ROBO2: variants seen among roughly 807,000 people sequenced by gnomAD.
ROBO2 encodes the protein roundabout homolog 2.
ROBO2 carries 53 observed loss-of-function variants against 160.8 expected under a neutral mutation model. The ratio of observed to expected loss-of-function variants is 0.33; its 90% confidence interval spans 0.26 to 0.41. The LOEUF (loss-of-function observed/expected upper bound fraction) is 0.41, where lower values mean the gene tolerates loss of function less well. ROBO2 is among the 10% of genes least tolerant of loss of function. The pLI is 1.00. For missense variants in ROBO2, 1,577 were observed against 1,722.4 expected, an observed-to-expected ratio of 0.92 and a Z score of 1.49; for synonymous variants, 664 against 611.7, an observed-to-expected ratio of 1.09 and a Z score of -1.26.
At position 76,215,203 on chromosome 3, in the gene ROBO2, A is replaced by C. The variant is rs142843492; in HGVS notation, c.109+277601A>C. Among the ~76,000 whole-genome samples, 439 of 152,286 alleles carry C rather than the reference A, an allele frequency of 2.9e-3. 2 individuals carry two copies. The highest frequency in any genetic ancestry group is 0.01 in the African/African-American group (420 of 41,558). On this transcript the variant is annotated intron_variant, in intron 2 of 26. Coordinates refer to the ROBO2 transcript ENST00000487694. Reference sequence around the variant, plus strand: ...AGACCAAAGGTAGATAAAGCCACAAAGATGGGGAAAAAACAGAGCAGAAAA... The same window carrying C: ...AGACCAAAGGTAGATAAAGCCACAACGATGGGGAAAAAACAGAGCAGAAAA...
intron 6 of ROBO2, among the ~76,000 whole-genome samples, chr3:77,536,907 TG>T (rs1446524071): frequency 6.6e-6 from 1 of 152,162 alleles, no homozygotes; most frequent in African/African-American, 2.4e-5. Context: ...TGCCTGCTTA[TG>T]AGATCTAAAA....
chr3:76,706,721 T>G (rs2107538406), intron 2 of ROBO2, among the ~76,000 whole-genome samples: 1 of 152,264 alleles, frequency 6.6e-6, no homozygotes, highest in Middle Eastern at 3.4e-3. Context: ...GGAATTAAAT[T>G]ACACCTAAAT....
chr3:77,133,465 G>T (rs958117397), intron 2 of ROBO2, among the ~76,000 whole-genome samples: 7 of 152,084 alleles, frequency 4.6e-5, no homozygotes, highest in African/African-American at 1.7e-4. Flanking sequence ...ACCATCAAAA[G>T]AAATCTTGAC....
chr3:76,291,892 A>T (rs1708820897), intron 2 of ROBO2, among the ~76,000 whole-genome samples: 1 of 148,782 alleles, frequency 6.7e-6, no homozygotes, highest in Non-Finnish European at 1.5e-5. Context: ...AGTTGATATG[A>T]TTTTTTTTTT....
intron 2 of ROBO2, among the ~76,000 whole-genome samples, chr3:76,956,505 C>T (rs1018061355): frequency 1.3e-5 from 2 of 148,740 alleles, no homozygotes; most frequent in East Asian, 2.0e-4. Context: ...TGCAGTGAGC[C>T]GAGATCGCGC....
chr3:77,453,606 C>A (rs1021004849), intron 2 of ROBO2, among the ~76,000 whole-genome samples: 3 of 152,012 alleles, frequency 2.0e-5, no homozygotes, highest in African/African-American at 4.8e-5. Flanking sequence ...ATAATAAATC[C>A]TCTGTTAGAA....
At chr3:76,247,478 C>A (rs975864301) in intron 2 of ROBO2, among the ~76,000 whole-genome samples, 1 of 152,060 alleles carries the variant, frequency 6.6e-6, no homozygotes, top group Non-Finnish European at 1.5e-5. Context: ...AATCCAAATT[C>A]TTTATTACTC....
intron 2 of ROBO2, among the ~76,000 whole-genome samples, chr3:76,304,747 C>CTTCCTTCCTTCT (rs1553700107): frequency 1.6e-4 from 16 of 101,692 alleles, no homozygotes; most frequent in East Asian, 1.2e-3. Flanking sequence ...CTTTTCTTTC[C>CTTCCTTCCTTCT]TTCTTTCTTT....
chr3:76,469,735 C>T lies in ROBO2; in HGVS notation c.109+532133C>T, dbSNP rs190916671. ...AGTTAGTCACAGAGTCCTCTGTCTACGTTCTACTCCCGCACCCCTATGGCT... is the reference window on the plus strand; with the variant it reads ...AGTTAGTCACAGAGTCCTCTGTCTATGTTCTACTCCCGCACCCCTATGGCT... On this transcript the variant is annotated intron_variant, in intron 2 of 26. Transcript: ENST00000487694. Among the ~76,000 whole-genome samples, 7 of 152,212 alleles carry T rather than the reference C, an allele frequency of 4.6e-5. No homozygotes were observed. In the South Asian group the frequency reaches 1.0e-3, roughly 23 times the overall value.
chr3:77,487,973 A>C (rs955202826), intron 4 of ROBO2, among the ~76,000 whole-genome samples: 2 of 152,192 alleles, frequency 1.3e-5, no homozygotes, highest in African/African-American at 4.8e-5. Flanking sequence ...TAATTTTTTC[A>C]TGTAACTAAG....
chr3:77,170,721 C>T (rs568731402), intron 2 of ROBO2, among the ~76,000 whole-genome samples: 38 of 152,014 alleles, frequency 2.5e-4, no homozygotes, highest in Non-Finnish European at 4.9e-4. Context: ...AAAACTTCAG[C>T]AAGTCTATAA....
At chr3:75,977,868 A>G (rs1297375374) in intron 2 of ROBO2, among the ~76,000 whole-genome samples, 1 of 151,520 alleles carries the variant, frequency 6.6e-6, no homozygotes, top group Non-Finnish European at 1.5e-5. Context: ...ACGCATGAAC[A>G]ATTTTGAAAA....
intron 6 of ROBO2, among the ~76,000 whole-genome samples, chr3:77,544,590 G>T (rs1455886863): frequency 6.6e-6 from 1 of 152,052 alleles, no homozygotes; most frequent in Non-Finnish European, 1.5e-5. Context: ...TAGGATTCTT[G>T]TAAGGATGAA....
chr3:77,127,842 G>A (rs1256140790), intron 2 of ROBO2, among the ~76,000 whole-genome samples: 1 of 152,172 alleles, frequency 6.6e-6, no homozygotes, highest in East Asian at 1.9e-4. Context: ...GAGAGGTTGT[G>A]TGTTGAGGTG....
In ROBO2 at chr3:77,164,761, GGGGGGTC is replaced by G. The variant is rs1560143143; in HGVS notation, c.388+66422_388+66428del. On this transcript the variant is annotated intron_variant, in intron 2 of 25. Coordinates refer to ENST00000461745, the Ensembl canonical transcript of ROBO2. The stretch of plus-strand genomic sequence containing the variant: ...AGCCACCCCGTCCGGGAGGGAAGTG[GGGGGGTC>G]AGACCCCCGCCCGGCCAGCCGCCCC... Among the ~76,000 whole-genome samples the G allele has an allele frequency of 4.6e-4, 19 of 41,504 alleles. 3 individuals are homozygous for G. The highest frequency in any genetic ancestry group is 1.8e-4 in the Non-Finnish European group (2 of 10,962). 27.2% of individuals were successfully genotyped at this position (41,504 alleles called of 152,430 possible).
At chr3:77,473,433 A>C in intron 2 of ROBO2, among the ~76,000 whole-genome samples, 1 of 137,006 alleles carries the variant, frequency 7.3e-6, no homozygotes, top group Non-Finnish European at 1.5e-5. Context: ...CGATTTTACA[A>C]ACTGCTCTTT....
At chr3:77,324,781 C>CAA (rs1362890088) in intron 2 of ROBO2, among the ~76,000 whole-genome samples, 6 of 54,802 alleles carry the variant, frequency 1.1e-4, no homozygotes, top group African/African-American at 2.4e-4. Flanking sequence ...GACTCCGTCT[C>CAA]AAAAAGAAAA....
intron 11 of ROBO2, chr3:77,564,686 G>A (rs2093428422): frequency 3.7e-6 from 2 of 536,952 alleles, no homozygotes; most frequent in Non-Finnish European, 6.7e-6. Flanking sequence ...CATTTAGTGG[G>A]CTGCTGTGCA....
chr3:77,641,722 T>A (rs1559788493), intron 24 of ROBO2, among the ~76,000 whole-genome samples: 1 of 152,242 alleles, frequency 6.6e-6, no homozygotes, highest in Middle Eastern at 3.4e-3. Context: ...GTTCAGAAGA[T>A]TTCAAAATCT....
Sources: gnomAD v4.1 joint callset for allele counts (sites outside exome capture counted in the v4.1 genomes callset) on GRCh38, gnomAD v4.1.1 for gene constraint, MANE v1.5 for transcripts, NCBI Gene and HGNC (gene_info 2026-07-23, HGNC 2026-07-21) for gene names.